JPT2: variants seen among roughly 807,000 people sequenced by gnomAD.
JPT2 encodes Jupiter microtubule associated homolog 2, also known as CRAMP_1 like.
JPT2 carries 9 observed loss-of-function variants against 15.9 expected under a neutral mutation model. The observed-to-expected ratio is 0.57, with a 90% CI of 0.34 to 0.99. JPT2 has a LOEUF of 0.99. JPT2 is among the 50% of genes least tolerant of loss of function. The pLI is 0.02. For synonymous variants in JPT2, 95 were observed against 91.7 expected, an observed-to-expected ratio of 1.04 and a Z score of -0.21; for missense variants, 267 against 252.1, an observed-to-expected ratio of 1.06 and a Z score of -0.40.
At chr16:1,682,841 A>C (rs1235931955) in intron 1 of JPT2, among the ~76,000 whole-genome samples, 1 of 151,308 alleles carries the variant, frequency 6.6e-6, no homozygotes, top group Non-Finnish European at 1.5e-5. Context: ...ACAAGTCCTC[A>C]CTCTTTCGTC....
At chr16:1,696,180 G>A (rs1168067487) in intron 3 of JPT2, among the ~76,000 whole-genome samples, 1 of 151,960 alleles carries the variant, frequency 6.6e-6, no homozygotes, top group East Asian at 1.9e-4. Flanking sequence ...AATGAGTTGA[G>A]ACTGCGCCAT....
chr16:1,679,858 C>T lies in JPT2; in HGVS notation c.44+1502C>T, dbSNP rs563387541. ...GACCACGAGATCAGGAGATCGAGAC[C>T]ATCCTGGCCAACACGGTGAAACCCC... On this transcript the variant is annotated intron_variant, in intron 1 of 4. Transcript: ENST00000248098. 2.0e-5 allele frequency among the ~76,000 whole-genome samples: 3 copies of T among 152,126 alleles called. No homozygotes were observed. In the South Asian group the frequency reaches 6.2e-4, roughly 32 times the overall value.
At position 1,698,674 on chromosome 16, in the gene JPT2, A is replaced by T; in HGVS notation, c.386-137A>T. 1.2e-6 allele frequency: 1 copy of T among 835,098 alleles called. No homozygotes were observed. The highest frequency in any genetic ancestry group is 1.9e-6 in the Non-Finnish European group (1 of 538,626). The allele number at this position is 835,098 out of a possible 1,614,324, so 51.7% of individuals were successfully genotyped here. ...TTGGTACCAGATGAAAAGCCTGTCTATATTGTCTTCTCTTTCCCAGTTACA... is the reference window on the plus strand; with the variant it reads ...TTGGTACCAGATGAAAAGCCTGTCTTTATTGTCTTCTCTTTCCCAGTTACA... On this transcript the variant is annotated intron_variant, in intron 4 of 4. Coordinates refer to ENST00000248098, the MANE Select transcript of JPT2 (RefSeq NM_144570.3). This position sits in a 1 kb window ranked among gnomAD's most constrained non-coding sequence, Gnocchi z 4.9.
intron 1 of JPT2, among the ~76,000 whole-genome samples, chr16:1,682,221 C>CA (rs1055974186): frequency 7.0e-6 from 1 of 143,810 alleles, no homozygotes; most frequent in Non-Finnish European, 1.5e-5. Context: ...ACTAAAAATA[C>CA]AAAAAAATAG....
chr16:1,680,511 G>T (rs1192881052), intron 1 of JPT2: 1 of 1,241,246 alleles, frequency 8.1e-7, no homozygotes, highest in Non-Finnish European at 1.0e-6. Flanking sequence ...ATCACTGGAA[G>T]CTTCTGCTTG....
In JPT2 at chr16:1,700,120, G is replaced by C. The variant is rs1454819842; in HGVS notation, c.*1122G>C. ...ACACCAAAGAGGAAGAAGAGCTGTG[G>C]AGGCCACCCTCTACAAAGCTTTATA... On this transcript the variant is annotated 3_prime_UTR_variant, in exon 5 of 5. Coordinates refer to ENST00000248098, the MANE Select transcript of JPT2 (RefSeq NM_144570.3). The C allele has an allele frequency of 2.2e-6, 1 of 455,756 alleles. No individual in the cohort carries two copies. The highest frequency in any genetic ancestry group is 4.4e-6 in the Non-Finnish European group (1 of 226,656). The allele number at this position is 455,756 out of a possible 1,614,324, so 28.2% of individuals were successfully genotyped here.
chr16:1,691,126 T>C lies in JPT2; in HGVS notation c.194-717T>C, dbSNP rs534823770. Among the ~76,000 whole-genome samples the C allele has an allele frequency of 9.2e-5, 14 of 152,370 alleles. No individual in the cohort carries two copies. The South Asian group carries it at 2.3e-3, about 25-fold the overall frequency. On this transcript the variant is annotated intron_variant, in intron 2 of 4. Coordinates refer to ENST00000248098, the MANE Select transcript of JPT2 (RefSeq NM_144570.3). Reference sequence around the variant, plus strand: ...TTGTCAAAAGTGGGTGCTTGGTGTCTGCTGAGTGAAGAGATGATCAGTTGG... The same window carrying C: ...TTGTCAAAAGTGGGTGCTTGGTGTCCGCTGAGTGAAGAGATGATCAGTTGG...
Position 1,698,744 on chromosome 16 carries a change from C to A in JPT2, c.386-67C>A. On this transcript the variant is annotated intron_variant, in intron 4 of 4. Coordinates refer to ENST00000248098, the MANE Select transcript of JPT2 (RefSeq NM_144570.3). The surrounding 1 kb of genome is among the most constrained non-coding windows in gnomAD (Gnocchi z 4.9). Reference sequence around the variant, plus strand: ...TGCTCTATGACACACTTTTTATTTCCACAGCCTGCCTGTCAGGGTCATGGG... The same window carrying A: ...TGCTCTATGACACACTTTTTATTTCAACAGCCTGCCTGTCAGGGTCATGGG... The A allele has an allele frequency of 6.7e-7, 1 of 1,486,320 alleles. No individual in the cohort carries two copies. Among genetic ancestry groups the A allele is most frequent in the Non-Finnish European group, 9.0e-7 (1 of 1,108,542 alleles). 92.1% of individuals were successfully genotyped at this position (1,486,320 alleles called of 1,614,324 possible).
chr16:1,693,761 T>C (rs1467123929), intron 3 of JPT2, among the ~76,000 whole-genome samples: 3 of 151,562 alleles, frequency 2.0e-5, no homozygotes, highest in African/African-American at 7.3e-5. Flanking sequence ...ATATACAAAA[T>C]AAGCGTAGAA....
At position 1,702,044 on chromosome 16, in the gene JPT2, T is replaced by TA. The variant is rs955910735; in HGVS notation, c.*3053dup. ...CTGGACCACAGAGCAAGACCCTGTG[T>TA]AAAAAAATAAAATAAAAAACAGATT... is the stretch of plus-strand genomic sequence containing the variant. On this transcript the variant is annotated 3_prime_UTR_variant, in exon 5 of 5. Transcript: ENST00000248098. 4.5e-6 allele frequency: 2 copies of TA among 440,720 alleles called. No individual in the cohort carries two copies. Among genetic ancestry groups the TA allele is most frequent in the South Asian group, 1.6e-5 (1 of 62,912 alleles). 27.3% of individuals were successfully genotyped at this position (440,720 alleles called of 1,614,324 possible). A position where few individuals can be genotyped will look rare whatever the true frequency, so the allele number is the denominator to read the frequency against.
intron 1 of JPT2, among the ~76,000 whole-genome samples, chr16:1,681,196 C>T (rs1195401903): frequency 6.6e-6 from 1 of 152,110 alleles, no homozygotes; most frequent in Non-Finnish European, 1.5e-5. Flanking sequence ...CCATTGTTGT[C>T]GGGCTGTTTT....
rs540353448 is a variant in JPT2, at chr16:1,699,259, G to C, written c.*261G>C. The C allele has an allele frequency of 2.3e-5, 14 of 615,924 alleles. No individual in the cohort carries two copies. The East Asian group carries it at 3.0e-4, about 13-fold the overall frequency. 38.2% of individuals were successfully genotyped at this position (615,924 alleles called of 1,614,324 possible). ...AGTCCAGGTTTGAGAGGAACTGGAA[G>C]GGGGGTGAGGGTGGGGAGGTGGGGC... On this transcript the variant is annotated 3_prime_UTR_variant, in exon 5 of 5. Transcript: ENST00000248098.
chr16:1,682,393 C>T (rs563789748), intron 1 of JPT2, among the ~76,000 whole-genome samples: 1 of 138,790 alleles, frequency 7.2e-6, no homozygotes, highest in African/African-American at 2.7e-5. Context: ...TAAAATAGGC[C>T]GGACACAGTG....
chr16:1,685,655 C>G, intron 2 of JPT2, 68 bp downstream of exon 2: 2 of 1,496,254 alleles, frequency 1.3e-6, no homozygotes, highest in South Asian at 1.2e-5. Context: ...TTTTCTGTTT[C>G]TTTATACTGA....
chr16:1,698,931 C>G lies in JPT2; in HGVS notation c.506C>G (p.Pro169Arg), dbSNP rs1376563287. 2 of 1,614,202 alleles carry G rather than the reference C, an allele frequency of 1.2e-6. No individual in the cohort carries two copies. Among genetic ancestry groups the G allele is most frequent in the Admixed American group, 3.3e-5 (2 of 60,020 alleles). ...GACAGCCATGAGCCCCGGCTGGGGC[C>G]GCGGCCTCGCTCTCACAACAAGGTC... The part of the protein sequence containing the change: ...TVDSHEPRLG[P>R]RPRSHNKVLN... Residue 169 changes from proline (P) to arginine (R), a missense_variant, in exon 5 of 5, where the codon CCG becomes CGG. By Grantham distance (103) the Pro-to-Arg change is moderately radical. Coordinates refer to ENST00000248098, the MANE Select transcript of JPT2 (RefSeq NM_144570.3). The surrounding 1 kb of genome is among the most constrained non-coding windows in gnomAD (Gnocchi z 4.9).
intron 1 of JPT2, among the ~76,000 whole-genome samples, chr16:1,683,201 C>T (rs1464756222): frequency 2.6e-5 from 4 of 152,168 alleles, no homozygotes; most frequent in Non-Finnish European, 5.9e-5. Flanking sequence ...TGGTCTCGAT[C>T]TCCTGACCTC....
At chr16:1,679,350 A>G (rs1245416270) in intron 1 of JPT2, among the ~76,000 whole-genome samples, 2 of 152,214 alleles carry the variant, frequency 1.3e-5, no homozygotes, top group Non-Finnish European at 2.9e-5. Context: ...GACAAATACT[A>G]TATTGAATAA....
intron 1 of JPT2, among the ~76,000 whole-genome samples, chr16:1,684,548 C>G (rs1473716851): frequency 6.6e-6 from 1 of 151,350 alleles, no homozygotes; most frequent in East Asian, 1.9e-4. Context: ...CGAGACCAAC[C>G]TGACCAACAT....
In JPT2 at chr16:1,699,043, A is replaced by G; in HGVS notation, c.*45A>G. The G allele has an allele frequency of 6.3e-7, 1 of 1,582,336 alleles. No individual in the cohort carries two copies. Among genetic ancestry groups the G allele is most frequent in the Non-Finnish European group, 8.7e-7 (1 of 1,154,420 alleles). On this transcript the variant is annotated 3_prime_UTR_variant, in exon 5 of 5. Coordinates refer to ENST00000248098, the MANE Select transcript of JPT2 (RefSeq NM_144570.3). Reference sequence around the variant, plus strand: ...CGGAGCCAGACCAGAAACTCAAGAGATAGGGTAGCCATGTTTTCATTTCCT... The same window carrying G: ...CGGAGCCAGACCAGAAACTCAAGAGGTAGGGTAGCCATGTTTTCATTTCCT...
Sources: gnomAD v4.1 joint callset for allele counts (sites outside exome capture counted in the v4.1 genomes callset) on GRCh38, gnomAD v4.1.1 for gene constraint, Gnocchi (gnomAD v3.1) non-coding constraint, MANE v1.5 for transcripts, NCBI Gene and HGNC (gene_info 2026-07-23, HGNC 2026-07-21) for gene names.